Variants in UBE2W observed in about 807,000 individuals in gnomAD.
The protein encoded by UBE2W is ubiquitin-conjugating enzyme E2 W.
UBE2W carries 18 observed loss-of-function variants against 27.2 expected under a neutral mutation model. The ratio of observed to expected loss-of-function variants is 0.66; its 90% confidence interval spans 0.46 to 0.98. UBE2W has a LOEUF of 0.98. Ranked by LOEUF, UBE2W falls within the 50% of genes least tolerant of loss-of-function variation. The pLI, the probability that UBE2W is intolerant of heterozygous loss-of-function variation, is 0.00. For synonymous variants in UBE2W, 53 were observed against 57.2 expected, an observed-to-expected ratio of 0.93 and a Z score of 0.33; for missense variants, 90 against 180.2, an observed-to-expected ratio of 0.50 and a Z score of 2.87.
At chr8:73,866,013 C>T (rs1811739882) in intron 1 of UBE2W, among the ~76,000 whole-genome samples, 1 of 151,972 alleles carries the variant, frequency 6.6e-6, no homozygotes, top group Non-Finnish European at 1.5e-5. Flanking sequence ...AGCAGTGGCT[C>T]ATGCCTGTAA....
chr8:73,832,685 T>G (rs1810124501), intron 1 of UBE2W, among the ~76,000 whole-genome samples: 2 of 152,230 alleles, frequency 1.3e-5, no homozygotes, highest in Non-Finnish European at 2.9e-5. Context: ...TCGGATTTAC[T>G]GGTTGAGCAT....
chr8:73,805,364 A>G (rs930036914), intron 5 of UBE2W, among the ~76,000 whole-genome samples: 1 of 148,466 alleles, frequency 6.7e-6, no homozygotes, highest in African/African-American at 2.5e-5. Flanking sequence ...GAGGAAGGAC[A>G]ATCGCTTGAA....
chr8:73,796,623 T>C, intron 5 of UBE2W: 1 of 984,264 alleles, frequency 1.0e-6, no homozygotes. Flanking sequence ...ATACCCTCGT[T>C]TTGAAGAAAC....
chr8:73,845,025 C>T (rs1384911031), intron 1 of UBE2W, among the ~76,000 whole-genome samples: 4 of 143,472 alleles, frequency 2.8e-5, no homozygotes, highest in South Asian at 2.2e-4. Context: ...GGGCAGCCCC[C>T]GCCCGGCCAG....
intron 1 of UBE2W, among the ~76,000 whole-genome samples, chr8:73,878,179 T>C (rs573558677): frequency 6.6e-6 from 1 of 152,218 alleles, no homozygotes; most frequent in East Asian, 1.9e-4. Flanking sequence ...AGTGGACTGC[T>C]GGAGGAATGT....
intron 1 of UBE2W, among the ~76,000 whole-genome samples, chr8:73,866,698 C>A (rs992063538): frequency 9.2e-5 from 14 of 151,908 alleles, no homozygotes; most frequent in Non-Finnish European, 1.6e-4. Flanking sequence ...TAAATTTTGC[C>A]AAAATTAATT....
At chr8:73,827,504 G>A (rs1254314950) in intron 2 of UBE2W, among the ~76,000 whole-genome samples, 3 of 151,874 alleles carry the variant, frequency 2.0e-5, no homozygotes, top group African/African-American at 2.4e-5. Context: ...GTGAACCACC[G>A]CACCTGGCCT....
intron 1 of UBE2W, among the ~76,000 whole-genome samples, chr8:73,871,599 T>C (rs1020846113): frequency 1.3e-5 from 2 of 152,218 alleles, no homozygotes; most frequent in Non-Finnish European, 2.9e-5. Context: ...GCGCTGTTTT[T>C]TGGTGATCCA....
downstream of UBE2W, among the ~76,000 whole-genome samples, chr8:73,783,442 G>C (rs748978608): frequency 2.0e-5 from 3 of 152,032 alleles, no homozygotes; most frequent in Non-Finnish European, 4.4e-5. Flanking sequence ...AATGCCTTTC[G>C]TTCGATGGAG....
Position 73,791,267 on chromosome 8 carries a change from G to GGA in UBE2W, c.*2834_*2835insTC. 1.2e-6 allele frequency: 1 copy of GGA among 816,650 alleles called. No individual in the cohort carries two copies. The highest frequency in any genetic ancestry group is 1.4e-6 in the Non-Finnish European group (1 of 715,502). The allele number at this position is 816,650 out of a possible 1,614,324, so 50.6% of individuals were successfully genotyped here. ...TGGCATTAATCCCTACTTGACCAAAGAAAAAAAAAAAAAAGAAGGGCATCA... is the reference window on the plus strand; with the variant it reads ...TGGCATTAATCCCTACTTGACCAAAGGAAAAAAAAAAAAAAAGAAGGGCATCA... On this transcript the variant is annotated 3_prime_UTR_variant, in exon 6 of 6. Coordinates refer to ENST00000602593, the MANE Select transcript of UBE2W (RefSeq NM_018299.6).
In UBE2W at chr8:73,806,481, C is replaced by T. The variant is rs530312062; in HGVS notation, c.367-755G>A. Among the ~76,000 whole-genome samples, 14 of 148,370 alleles carry T rather than the reference C, an allele frequency of 9.4e-5. No individual in the cohort carries two copies. In the South Asian group the frequency reaches 1.9e-3, roughly 20 times the overall value. ...TTGGGAGGCCGAGGCGGGTGGATCA[C>T]GAGGCCAGGAGATCGAGACCATCCT... On this transcript the variant is annotated intron_variant, in intron 4 of 5. Transcript: ENST00000602593.
At chr8:73,874,031 C>T (rs1286037886) in intron 1 of UBE2W, among the ~76,000 whole-genome samples, 1 of 152,108 alleles carries the variant, frequency 6.6e-6, no homozygotes, top group Non-Finnish European at 1.5e-5. Context: ...TGCTAACTTA[C>T]GAGAAGTCTG....
At chr8:73,838,199 G>A (rs1464428609) in intron 1 of UBE2W, among the ~76,000 whole-genome samples, 2 of 152,096 alleles carry the variant, frequency 1.3e-5, no homozygotes, top group African/African-American at 4.8e-5. Flanking sequence ...TGATTTTATA[G>A]TCCAGCTAGC....
At chr8:73,811,244 G>A (rs1373572360) in intron 3 of UBE2W, among the ~76,000 whole-genome samples, 1 of 152,110 alleles carries the variant, frequency 6.6e-6, no homozygotes, top group Non-Finnish European at 1.5e-5. Flanking sequence ...CCAATTTGCA[G>A]TTTTACTCTC....
chr8:73,840,229 TG>T (rs1392134793), intron 1 of UBE2W, among the ~76,000 whole-genome samples: 1 of 152,028 alleles, frequency 6.6e-6, no homozygotes, highest in Non-Finnish European at 1.5e-5. Flanking sequence ...GCTAATTTTT[TG>T]TATTTTTAGT....
chr8:73,826,389 G>A (rs776229331), intron 2 of UBE2W, among the ~76,000 whole-genome samples: 64 of 152,060 alleles, frequency 4.2e-4, no homozygotes, highest in Non-Finnish European at 7.8e-4. Context: ...TATAATTCTT[G>A]TACACCTGGG....
chr8:73,861,170 A>G (rs1223978611), intron 1 of UBE2W, among the ~76,000 whole-genome samples: 1 of 152,154 alleles, frequency 6.6e-6, no homozygotes, highest in Non-Finnish European at 1.5e-5. Flanking sequence ...GTCACTAATA[A>G]TAGTTGCTAA....
At chr8:73,862,363 C>G (rs2130973692) in intron 1 of UBE2W, among the ~76,000 whole-genome samples, 1 of 152,288 alleles carries the variant, frequency 6.6e-6, no homozygotes, top group South Asian at 2.1e-4. Flanking sequence ...CCAGTTTCAG[C>G]TTTCTACATA....
intron 5 of UBE2W, among the ~76,000 whole-genome samples, chr8:73,794,985 T>A (rs1262981110): frequency 6.6e-6 from 1 of 151,816 alleles, no homozygotes; most frequent in Non-Finnish European, 1.5e-5. Context: ...AACACATATA[T>A]ATGTAACACA....
Sources: gnomAD v4.1 joint callset for allele counts (sites outside exome capture counted in the v4.1 genomes callset) on GRCh38, gnomAD v4.1.1 for gene constraint, MANE v1.5 for transcripts, NCBI Gene and HGNC (gene_info 2026-07-23, HGNC 2026-07-21) for gene names.